Variants in LRRC4C observed in about 807,000 individuals in gnomAD.
LRRC4C encodes the protein leucine rich repeat containing 4C.
LRRC4C carries 5 observed loss-of-function variants against 33.6 expected under a neutral mutation model. The observed-to-expected ratio is 0.15, with a 90% CI of 0.08 to 0.31. LRRC4C has a LOEUF of 0.31. LRRC4C is among the 10% of genes least tolerant of loss of function. The pLI, the probability that LRRC4C is intolerant of heterozygous loss-of-function variation, is 1.00. For missense variants in LRRC4C, 560 were observed against 796.7 expected, an observed-to-expected ratio of 0.70 and a Z score of 3.58; for synonymous variants, 329 against 302.0, an observed-to-expected ratio of 1.09 and a Z score of -0.93.
intron 2 of LRRC4C, among the ~76,000 whole-genome samples, chr11:40,750,695 C>G (rs1343190546): frequency 6.7e-6 from 1 of 149,924 alleles, no homozygotes; most frequent in East Asian, 2.0e-4. Flanking sequence ...GGAGATATAC[C>G]TAATGTTAAT....
chr11:40,456,788 A>G (rs1952151437), intron 3 of LRRC4C, among the ~76,000 whole-genome samples: 2 of 151,506 alleles, frequency 1.3e-5, no homozygotes, highest in Admixed American at 1.3e-4. Flanking sequence ...GGAAGAGGAC[A>G]GTTTGTGTGA....
At chr11:41,010,876 C>A (rs565755135) in intron 1 of LRRC4C, among the ~76,000 whole-genome samples, 58 of 152,156 alleles carry the variant, frequency 3.8e-4, no homozygotes, top group African/African-American at 1.4e-3. Context: ...CATAAACTTG[C>A]CAAATGAGTC....
chr11:40,751,860 C>T (rs1948704286), intron 2 of LRRC4C, among the ~76,000 whole-genome samples: 1 of 152,058 alleles, frequency 6.6e-6, no homozygotes, highest in African/African-American at 2.4e-5. Flanking sequence ...AAATATATTA[C>T]TAGGCTACAG....
At chr11:41,033,549 C>T (rs1006588473) in intron 1 of LRRC4C, among the ~76,000 whole-genome samples, 1 of 152,004 alleles carries the variant, frequency 6.6e-6, no homozygotes, top group African/African-American at 2.4e-5. Context: ...CTGGTGAATA[C>T]CCCACATCCT....
At chr11:40,216,074 C>CTGGAGCAAA (rs1186350118) in intron 5 of LRRC4C, among the ~76,000 whole-genome samples, 1 of 152,108 alleles carries the variant, frequency 6.6e-6, no homozygotes. Flanking sequence ...AACTTCACTA[C>CTGGAGCAAA]TGGAGCAAAT....
At position 41,225,253 on chromosome 11, in the gene LRRC4C, C is replaced by T. The variant is rs188551919; in HGVS notation, c.-496+234178G>A. 5.7e-4 allele frequency among the ~76,000 whole-genome samples: 87 copies of T among 151,902 alleles called. 1 individual carries two copies. The highest frequency in any genetic ancestry group is 2.1e-3 in the African/African-American group (85 of 41,426). On this transcript the variant is annotated intron_variant, in intron 1 of 6. Coordinates refer to ENST00000528697, the MANE Select transcript of LRRC4C (RefSeq NM_001258419.2). ...ATAGCACAACAGGGTGACTATAGTC[C>T]ATAATAATTTAACTGTATATTTTAA...
intron 1 of LRRC4C, among the ~76,000 whole-genome samples, chr11:41,231,949 C>T (rs1280544950): frequency 6.6e-6 from 1 of 151,748 alleles, no homozygotes; most frequent in Non-Finnish European, 1.5e-5. Context: ...AAAACTGATT[C>T]TCGGTAATTG....
At chr11:41,090,413 C>G (rs1376617865) in intron 1 of LRRC4C, among the ~76,000 whole-genome samples, 7 of 151,834 alleles carry the variant, frequency 4.6e-5, no homozygotes, top group Non-Finnish European at 8.8e-5. Flanking sequence ...TGAGCATGCA[C>G]TGCATTTAAA....
At chr11:41,017,254 G>A (rs2137617657) in intron 1 of LRRC4C, among the ~76,000 whole-genome samples, 1 of 152,290 alleles carries the variant, frequency 6.6e-6, no homozygotes, top group Middle Eastern at 3.4e-3. Context: ...TGCTATCAGA[G>A]GCTTTGCAAC....
chr11:41,286,080 A>C (rs111545693), intron 1 of LRRC4C, among the ~76,000 whole-genome samples: 8,787 of 152,026 alleles, frequency 0.058, 339 homozygotes, highest in Middle Eastern at 0.14. Flanking sequence ...TCACCCACCT[A>C]GGCCTCCCAA....
chr11:40,233,050 T>C (rs1390657616), intron 5 of LRRC4C, among the ~76,000 whole-genome samples: 1 of 152,220 alleles, frequency 6.6e-6, no homozygotes, highest in Non-Finnish European at 1.5e-5. Context: ...AGATTTTTTG[T>C]TTTTCAGTCT....
At chr11:40,253,916 A>T (rs571794644) in intron 4 of LRRC4C, among the ~76,000 whole-genome samples, 1 of 152,366 alleles carries the variant, frequency 6.6e-6, no homozygotes, top group Admixed American at 6.5e-5. Flanking sequence ...TGAAGATTTT[A>T]TTCACATTAT....
chr11:40,136,217 T>G (rs1856960701), intron 6 of LRRC4C, among the ~76,000 whole-genome samples: 1 of 150,868 alleles, frequency 6.6e-6, no homozygotes, highest in African/African-American at 2.4e-5. Context: ...TACCACCTGG[T>G]CTCCTAAAAA....
intron 2 of LRRC4C, among the ~76,000 whole-genome samples, chr11:40,800,807 T>A (rs759781942): frequency 6.6e-6 from 1 of 152,194 alleles, no homozygotes. Context: ...GATACTTTCA[T>A]TGATGTCCTA....
intron 4 of LRRC4C, among the ~76,000 whole-genome samples, chr11:40,282,528 T>C (rs1422643295): frequency 6.6e-6 from 1 of 152,122 alleles, no homozygotes; most frequent in Non-Finnish European, 1.5e-5. Context: ...GGATGAAGCA[T>C]GACTATTAGT....
At chr11:41,200,257 T>A (rs1946350679) in intron 1 of LRRC4C, among the ~76,000 whole-genome samples, 1 of 152,128 alleles carries the variant, frequency 6.6e-6, no homozygotes, top group South Asian at 2.1e-4. Flanking sequence ...TTCTAAATAC[T>A]TTTTTGACAA....
At chr11:40,910,348 A>G (rs1592063167) in intron 2 of LRRC4C, among the ~76,000 whole-genome samples, 1 of 152,204 alleles carries the variant, frequency 6.6e-6, no homozygotes, top group African/African-American at 2.4e-5. Flanking sequence ...GAAGACTTCT[A>G]TCAAAAGACA....
At position 40,382,123 on chromosome 11, in the gene LRRC4C, A is replaced by ATTT. The variant is rs77934711; in HGVS notation, c.-269-62405_-269-62403dup. ...AGGCGCCCACCACTATGCCCGGCTA[A>ATTT]TTTTTTTTTTTTTTTTTTTTTTTTT... On this transcript the variant is annotated intron_variant, in intron 3 of 6. Transcript: ENST00000528697. Among the ~76,000 whole-genome samples, 182 of 99,936 alleles carry ATTT rather than the reference A, an allele frequency of 1.8e-3. 5 individuals carry two copies. The highest frequency in any genetic ancestry group is 2.7e-3 in the Non-Finnish European group (134 of 49,590). 65.6% of individuals were successfully genotyped at this position (99,936 alleles called of 152,430 possible). A position where few individuals can be genotyped will look rare whatever the true frequency, so the allele number is the denominator to read the frequency against.
At chr11:40,656,588 A>T (rs192658073) in intron 2 of LRRC4C, among the ~76,000 whole-genome samples, 2 of 151,868 alleles carry the variant, frequency 1.3e-5, no homozygotes, top group Admixed American at 1.3e-4. Context: ...TAAGGCCTTC[A>T]CGCTCTCGAG....
Sources: gnomAD v4.1 joint callset for allele counts (sites outside exome capture counted in the v4.1 genomes callset) on GRCh38, gnomAD v4.1.1 for gene constraint, MANE v1.5 for transcripts, NCBI Gene and HGNC (gene_info 2026-07-23, HGNC 2026-07-21) for gene names.